The following RTN1 variants were observed in gnomAD, a reference collection of about 807,000 sequenced individuals.
The protein encoded by RTN1 is reticulon-1.
RTN1 carries 25 observed loss-of-function variants against 65.5 expected under a neutral mutation model. The observed-to-expected ratio is 0.38, with a 90% CI of 0.28 to 0.53. RTN1 has a LOEUF of 0.53. Among genes scored for constraint, RTN1 ranks in the 20% least tolerant of loss-of-function variants. RTN1 has a pLI of 0.79. For missense variants in RTN1, 983 were observed against 1,025.4 expected (o/e 0.96, Z 0.57); for synonymous variants, 471 against 447.6 (o/e 1.05, Z -0.66).
intron 3 of RTN1, among the ~76,000 whole-genome samples, chr14:59,693,666 G>A (rs1055989393): frequency 6.6e-6 from 1 of 152,112 alleles, no homozygotes; most frequent in Non-Finnish European, 1.5e-5. Context: ...CTTCCATCCA[G>A]GTCACTGTGA....
intron 1 of RTN1, among the ~76,000 whole-genome samples, chr14:59,786,383 T>A (rs976548127): frequency 3.3e-5 from 5 of 152,196 alleles, no homozygotes; most frequent in Non-Finnish European, 7.3e-5. Flanking sequence ...CAGTGACTAT[T>A]AGTATTACGA....
chr14:59,693,479 A>G (rs1308458178), intron 3 of RTN1, among the ~76,000 whole-genome samples: 1 of 152,030 alleles, frequency 6.6e-6, no homozygotes, highest in Non-Finnish European at 1.5e-5. Context: ...TGTACCCTCA[A>G]TTTGTAGTCT....
intron 1 of RTN1, among the ~76,000 whole-genome samples, chr14:59,749,547 T>A (rs1412285912): frequency 2.0e-5 from 1 of 49,724 alleles, no homozygotes; most frequent in East Asian, 5.3e-4. Context: ...CTATATATAT[T>A]TATATAGATA....
chr14:59,818,668 T>C (rs1304679723), intron 1 of RTN1, among the ~76,000 whole-genome samples: 1 of 152,240 alleles, frequency 6.6e-6, no homozygotes, highest in Non-Finnish European at 1.5e-5. Context: ...TATATTTCTT[T>C]GGGTATATAC....
intron 3 of RTN1, chr14:59,630,385 G>A (rs1354357431): frequency 1.2e-4 from 187 of 1,606,508 alleles, no homozygotes; most frequent in Non-Finnish European, 1.4e-4. Flanking sequence ...CACAATGGAC[G>A]AGTCCAGGTC....
intron 1 of RTN1, among the ~76,000 whole-genome samples, chr14:59,769,050 C>T (rs1228846562): frequency 6.6e-6 from 1 of 152,046 alleles, no homozygotes; most frequent in East Asian, 1.9e-4. Flanking sequence ...AGTTAGTCAT[C>T]CTATAAGTAG....
At position 59,811,689 on chromosome 14, in the gene RTN1, T is replaced by C. The variant is rs77161489; in HGVS notation, c.241+58701A>G. On this transcript the variant is annotated intron_variant, in intron 1 of 8. Transcript: ENST00000267484. ...GCATATTTGGAAAGACTCATATTAGTATAAGTTATACAATGTGGGAGGTTT... is the reference window on the plus strand; with the variant it reads ...GCATATTTGGAAAGACTCATATTAGCATAAGTTATACAATGTGGGAGGTTT... Among the ~76,000 whole-genome samples, 504 of 152,336 alleles carry C rather than the reference T, an allele frequency of 3.3e-3. 16 individuals are homozygous for C. In the East Asian group the frequency reaches 0.056, roughly 17 times the overall value.
intron 3 of RTN1, among the ~76,000 whole-genome samples, chr14:59,694,882 T>C (rs776057059): frequency 1.1e-4 from 17 of 152,122 alleles, no homozygotes; most frequent in African/African-American, 4.1e-4. Flanking sequence ...GAAACTCACA[T>C]ATAAACTGGG....
chr14:59,677,985 AG>A (rs1883662350), intron 3 of RTN1, among the ~76,000 whole-genome samples: 1 of 152,246 alleles, frequency 6.6e-6, no homozygotes, highest in South Asian at 2.1e-4. Flanking sequence ...TCTCACTCCC[AG>A]GATCTTGGCA....
intron 8 of RTN1, among the ~76,000 whole-genome samples, chr14:59,598,430 A>G (rs1342425790): frequency 6.6e-6 from 1 of 152,230 alleles, no homozygotes; most frequent in East Asian, 1.9e-4. Context: ...TCTATCAGAC[A>G]CTTTAGAGAA....
intron 3 of RTN1, among the ~76,000 whole-genome samples, chr14:59,669,605 T>C (rs1255503581): frequency 6.6e-6 from 1 of 151,876 alleles, no homozygotes. Context: ...TTAAGTATAA[T>C]ATAAAAAATA....
At chr14:59,602,944 G>T in intron 8 of RTN1, 121 bp downstream of exon 8, 1 of 665,410 alleles carries the variant, frequency 1.5e-6, no homozygotes, top group Non-Finnish European at 2.5e-6. Context: ...TATGATTCCA[G>T]TAAGTGAATG....
At chr14:59,676,536 C>T (rs1216032148) in intron 3 of RTN1, among the ~76,000 whole-genome samples, 5 of 152,074 alleles carry the variant, frequency 3.3e-5, no homozygotes, top group East Asian at 1.9e-4. Context: ...CCTACCTAAT[C>T]GATGATTGGA....
intron 1 of RTN1, among the ~76,000 whole-genome samples, chr14:59,831,226 T>A (rs1255457556): frequency 6.6e-6 from 1 of 152,216 alleles, no homozygotes; most frequent in Non-Finnish European, 1.5e-5. Context: ...TTGGTGTTTT[T>A]ATGAAGATGT....
At chr14:59,607,555 G>A (rs1223722441) in intron 3 of RTN1, 63 bp from the exon 4 acceptor site, 2 of 1,397,102 alleles carry the variant, frequency 1.4e-6, no homozygotes, top group East Asian at 2.5e-5. Context: ...AGCCGCTGTG[G>A]CTCACTCCAC....
At chr14:59,663,367 A>G (rs1056018804) in intron 3 of RTN1, among the ~76,000 whole-genome samples, 4 of 152,216 alleles carry the variant, frequency 2.6e-5, no homozygotes, top group African/African-American at 9.6e-5. Flanking sequence ...TAAGACCTAA[A>G]CCATAAAAAC....
Position 59,785,580 on chromosome 14 carries a change from G to A in RTN1, c.242-39099C>T, listed in dbSNP as rs575928931. 2.6e-5 allele frequency among the ~76,000 whole-genome samples: 4 copies of A among 152,256 alleles called. No homozygotes were observed. The East Asian group carries it at 5.8e-4, about 22-fold the overall frequency. On this transcript the variant is annotated intron_variant, in intron 1 of 8. Coordinates refer to ENST00000267484, the MANE Select transcript of RTN1 (RefSeq NM_021136.3). ...ATTAATCTGGCTTGCATATCAAATG[G>A]CAAATAGTTTTGCTTGAAGAAATCA...
intron 3 of RTN1, among the ~76,000 whole-genome samples, chr14:59,692,986 G>C (rs1476609406): frequency 6.6e-6 from 1 of 152,082 alleles, no homozygotes; most frequent in Non-Finnish European, 1.5e-5. Flanking sequence ...TAATTTTTAG[G>C]TGGAAATCTT....
chr14:59,727,133 G>C lies in RTN1; in HGVS notation c.1551C>G (p.Ala517=), dbSNP rs751342932. 1.7e-5 allele frequency: 27 copies of C among 1,605,242 alleles called. No homozygotes were observed. Among genetic ancestry groups the C allele is most frequent in the Admixed American group, 5.1e-5 (3 of 58,834 alleles). Residue 517 remains alanine (A), a synonymous_variant, in exon 3 of 9, where the codon GCC becomes GCG. Transcript: ENST00000267484. This position sits in a 1 kb window ranked among gnomAD's most constrained non-coding sequence, Gnocchi z 4.2. ...GGTAGTCGAGGAAGGAACCCGGCTC[G>C]GCCAGGCCCCGCCGGCTTGGCGCAC... is the stretch of plus-strand genomic sequence containing the variant. ...EERAPSRRGL[A]EPGSFLDYPS...
Sources: allele counts gnomAD v4.1 joint callset (sites outside exome capture counted in the v4.1 genomes callset), GRCh38; gene constraint gnomAD v4.1.1; non-coding constraint Gnocchi (gnomAD v3.1); transcripts MANE v1.5; gene names NCBI Gene and HGNC (gene_info 2026-07-23, HGNC 2026-07-21).